EPHA4: variants seen among roughly 807,000 people sequenced by gnomAD.
The protein encoded by EPHA4 is ephrin type-A receptor 4.
A neutral mutation model predicts 108.3 loss-of-function variants in EPHA4; 19 were observed. The observed-to-expected ratio is 0.18, with a 90% CI of 0.12 to 0.26. The LOEUF (loss-of-function observed/expected upper bound fraction) is 0.26. EPHA4 is among the 10% of genes least tolerant of loss of function. The probability of loss-of-function intolerance (pLI) is 1.00; values close to 1 mark genes in which losing one functional copy is unlikely to be tolerated. For missense variants in EPHA4, 917 were observed against 1,254.0 expected, an observed-to-expected ratio of 0.73 and a Z score of 4.06; for synonymous variants, 449 against 455.5, an observed-to-expected ratio of 0.99 and a Z score of 0.18.
At chr2:221,542,337 A>AT (rs912816929) in intron 3 of EPHA4, among the ~76,000 whole-genome samples, 3 of 152,238 alleles carry the variant, frequency 2.0e-5, no homozygotes, top group Non-Finnish European at 2.9e-5. Context: ...TAGTACAGGC[A>AT]TTTAGATGAC....
At chr2:221,474,471 T>G (rs1341111437) in intron 5 of EPHA4, among the ~76,000 whole-genome samples, 1 of 151,032 alleles carries the variant, frequency 6.6e-6, no homozygotes, top group Non-Finnish European at 1.5e-5. Context: ...GTGCATTTCA[T>G]AGGCCTTATG....
chr2:221,486,898 A>T (rs948996488), intron 4 of EPHA4, among the ~76,000 whole-genome samples: 2 of 152,114 alleles, frequency 1.3e-5, no homozygotes, highest in Admixed American at 6.5e-5. Context: ...TGCATCTTAT[A>T]CCCAGTGTTA....
chr2:221,524,795 C>T (rs891292874), intron 3 of EPHA4, among the ~76,000 whole-genome samples: 1 of 152,184 alleles, frequency 6.6e-6, no homozygotes, highest in Non-Finnish European at 1.5e-5. Context: ...TGCTTATTAG[C>T]ACCCAAAAGC....
intron 5 of EPHA4, among the ~76,000 whole-genome samples, chr2:221,477,830 C>T (rs554184519): frequency 1.6e-4 from 25 of 152,160 alleles, no homozygotes; most frequent in African/African-American, 5.3e-4. Flanking sequence ...AATTTTGAAA[C>T]GGAAAAGATC....
chr2:221,436,894 G>A (rs1690257709), intron 12 of EPHA4, among the ~76,000 whole-genome samples, 167 bp downstream of exon 12: 2 of 152,008 alleles, frequency 1.3e-5, no homozygotes, highest in Non-Finnish European at 2.9e-5. Context: ...CGTTGAACAT[G>A]GATTATTTAA....
At chr2:221,477,965 G>A (rs1227112534) in intron 5 of EPHA4, among the ~76,000 whole-genome samples, 1 of 152,104 alleles carries the variant, frequency 6.6e-6, no homozygotes, top group Non-Finnish European at 1.5e-5. Flanking sequence ...GAGATGACCA[G>A]ATCTTTCCAT....
chr2:221,483,821 A>G (rs1691902395), intron 4 of EPHA4, among the ~76,000 whole-genome samples: 1 of 152,036 alleles, frequency 6.6e-6, no homozygotes, highest in African/African-American at 2.4e-5. Context: ...TAATAGGGCA[A>G]AAAAATTGTG....
chr2:221,439,265 C>T (rs1231102137), intron 11 of EPHA4, among the ~76,000 whole-genome samples: 3 of 148,482 alleles, frequency 2.0e-5, no homozygotes, highest in African/African-American at 7.5e-5. Flanking sequence ...TCTATCAATA[C>T]AAATAGGAAA....
chr2:221,428,258 T>G (rs976426206), intron 15 of EPHA4, among the ~76,000 whole-genome samples: 11 of 152,206 alleles, frequency 7.2e-5, no homozygotes, highest in Admixed American at 2.0e-4. Context: ...CGATGTCAAT[T>G]AACTTTAAGG....
intron 3 of EPHA4, among the ~76,000 whole-genome samples, chr2:221,545,861 G>C (rs1413645406): frequency 1.3e-5 from 2 of 152,136 alleles, no homozygotes; most frequent in Non-Finnish European, 2.9e-5. Context: ...TACACTTAAA[G>C]GCCATGTCAG....
intron 13 of EPHA4, 77 bp downstream of exon 13, chr2:221,436,322 A>G: frequency 7.3e-7 from 1 of 1,377,738 alleles, no homozygotes; most frequent in East Asian, 2.4e-5. Context: ...AAAATTACAA[A>G]GGGCTTCAAT....
chr2:221,540,767 C>T (rs1693812181), intron 3 of EPHA4, among the ~76,000 whole-genome samples: 1 of 152,094 alleles, frequency 6.6e-6, no homozygotes, highest in Non-Finnish European at 1.5e-5. Flanking sequence ...CTTTCCATGA[C>T]ATAGACCTTA....
chr2:221,501,043 T>C lies in EPHA4; in HGVS notation c.953A>G (p.Asn318Ser), dbSNP rs139457656. The change falls in exon 4 of 18, where the codon AAC becomes AGC. Residue 318 changes from asparagine (N) to serine (S), a missense_variant. Physicochemically the swap from Asn to Ser is conservative, Grantham distance 46. This residue lies in a region of EPHA4 where 758 missense variants were observed against 1,076.7 expected (regional missense o/e 0.70). Coordinates refer to ENST00000281821, the MANE Select transcript of EPHA4 (RefSeq NM_004438.5). ...TCDRGFFRAD[N>S]DAASMPCTRP... ...GGTGCAGGGCATAGAGGCAGCATCG[T>C]TGTCAGCTCTGAAAAAGCCTCGGTC... 3.3e-5 allele frequency: 53 copies of C among 1,612,460 alleles called. No individual in the cohort carries two copies. The African/African-American group carries it at 5.7e-4, about 17-fold the overall frequency.
rs149294981 is a variant in EPHA4, at chr2:221,468,367, G to T, written c.1319-10377C>A. ...TTTACTGAGCAGAATACAGAAAAGA[G>T]AAAGGAAAGGATTAGCTGCTATGCA... On this transcript the variant is annotated intron_variant, in intron 5 of 17. Coordinates refer to ENST00000281821, the MANE Select transcript of EPHA4 (RefSeq NM_004438.5). Among the ~76,000 whole-genome samples the T allele has an allele frequency of 3.6e-3, 546 of 152,266 alleles. 3 individuals are homozygous for T. Among genetic ancestry groups the T allele is most frequent in the Middle Eastern group, 0.024 (7 of 294 alleles).
chr2:221,426,426 T>C, intron 16 of EPHA4, 38 bp downstream of exon 16: 1 of 1,561,520 alleles, frequency 6.4e-7, no homozygotes, highest in Non-Finnish European at 8.6e-7. Context: ...CTATTAAATC[T>C]AGATTTACCC....
intron 8 of EPHA4, among the ~76,000 whole-genome samples, chr2:221,452,818 A>G (rs1473827829): frequency 1.3e-5 from 2 of 152,126 alleles, no homozygotes; most frequent in Non-Finnish European, 2.9e-5. Context: ...GCATCCTGCT[A>G]TCAATCCTGC....
chr2:221,452,326 A>AT (rs1690812551), intron 8 of EPHA4, among the ~76,000 whole-genome samples: 1 of 152,236 alleles, frequency 6.6e-6, no homozygotes, highest in South Asian at 2.1e-4. Flanking sequence ...TTGCTTTCTC[A>AT]TACTACTGGC....
At chr2:221,482,998 C>A (rs1216328157) in intron 4 of EPHA4, among the ~76,000 whole-genome samples, 1 of 152,200 alleles carries the variant, frequency 6.6e-6, no homozygotes, top group African/African-American at 2.4e-5. Context: ...AGAAAAATAT[C>A]ATAATTTATC....
intron 3 of EPHA4, among the ~76,000 whole-genome samples, chr2:221,550,240 GA>G (rs1230409468): frequency 6.6e-6 from 1 of 152,140 alleles, no homozygotes; most frequent in East Asian, 1.9e-4. Context: ...CAAATATAGA[GA>G]AAAGTGCCCC....
Sources: gnomAD v4.1 joint callset for allele counts (sites outside exome capture counted in the v4.1 genomes callset) on GRCh38, gnomAD v4.1.1 for gene constraint, gnomAD v4.1.1 regional missense constraint, MANE v1.5 for transcripts, NCBI Gene and HGNC (gene_info 2026-07-23, HGNC 2026-07-21) for gene names.